The following CRYL1 variants were observed in gnomAD, a reference collection of about 807,000 sequenced individuals.
The protein encoded by CRYL1 is lambda-crystallin homolog.
A neutral mutation model predicts 36.6 loss-of-function variants in CRYL1; 29 were observed. That is an observed-to-expected ratio of 0.79 (90% CI 0.59 to 1.08). CRYL1 has a LOEUF of 1.08. CRYL1 is among the 50% of genes least tolerant of loss of function. The pLI, the probability that CRYL1 is intolerant of heterozygous loss-of-function variation, is 0.00. For synonymous variants in CRYL1, 152 were observed against 151.5 expected, an observed-to-expected ratio of 1.00 and a Z score of -0.02; for missense variants, 411 against 407.9, an observed-to-expected ratio of 1.01 and a Z score of -0.06.
At position 20,525,064 on chromosome 13, in the gene CRYL1, A is replaced by C. The variant is rs1352022594; in HGVS notation, c.41+690T>G. On this transcript the variant is annotated intron_variant, in intron 1 of 7. Coordinates refer to ENST00000298248, the MANE Select transcript of CRYL1 (RefSeq NM_015974.3). The surrounding 1 kb of genome is among the most constrained non-coding windows in gnomAD (Gnocchi z 4.3). ...TAGGGGTGGGGGGCGGGGTGGGGGA[A>C]GCACACACTAAAAATCAGTTTGGGC... Among the ~76,000 whole-genome samples the C allele has an allele frequency of 2.0e-5, 3 of 151,930 alleles. No homozygotes were observed. Among genetic ancestry groups the C allele is most frequent in the Non-Finnish European group, 2.9e-5 (2 of 67,916 alleles).
At position 20,428,403 on chromosome 13, in the gene CRYL1, G is replaced by T. The variant is rs576289725; in HGVS notation, c.633+3699C>A. Among the ~76,000 whole-genome samples, 7 of 152,026 alleles carry T rather than the reference G, an allele frequency of 4.6e-5. No homozygotes were observed. The South Asian group carries it at 1.2e-3, about 27-fold the overall frequency. On this transcript the variant is annotated intron_variant, in intron 5 of 7. Transcript: ENST00000298248. ...AAGCATTGGGCTTCTCCACCTGTAC[G>T]TCCTTGATACCAAAATCAAATAAAG...
At chr13:20,421,010 G>A (rs891435557) in intron 5 of CRYL1, among the ~76,000 whole-genome samples, 2 of 151,890 alleles carry the variant, frequency 1.3e-5, no homozygotes, top group Non-Finnish European at 2.9e-5. Flanking sequence ...TGGGATTACA[G>A]GCGTGAGCCA....
intron 1 of CRYL1, among the ~76,000 whole-genome samples, chr13:20,519,532 G>A (rs1033953780): frequency 6.1e-5 from 9 of 146,384 alleles, no homozygotes; most frequent in Admixed American, 6.1e-4. Flanking sequence ...GGAGGCTGAA[G>A]TAGGTACATG....
At chr13:20,457,998 T>C (rs939279960) in intron 3 of CRYL1, among the ~76,000 whole-genome samples, 2 of 152,170 alleles carry the variant, frequency 1.3e-5, no homozygotes, top group African/African-American at 4.8e-5. Context: ...TTCAACCAGT[T>C]CTAAAGGTCT....
chr13:20,440,882 C>T (rs1030316226), intron 3 of CRYL1, among the ~76,000 whole-genome samples: 1 of 152,164 alleles, frequency 6.6e-6, no homozygotes, highest in African/African-American at 2.4e-5. Context: ...ATTCTAATTA[C>T]AAAGCTAGAG....
Position 20,443,244 on chromosome 13 carries a change from G to C in CRYL1, c.277-3490C>G, listed in dbSNP as rs2032383848. Among the ~76,000 whole-genome samples the C allele has an allele frequency of 2.0e-5, 3 of 152,220 alleles. No homozygotes were observed. In the South Asian group the frequency reaches 6.2e-4, roughly 32 times the overall value. On this transcript the variant is annotated intron_variant, in intron 3 of 7. Transcript: ENST00000298248. ...TAACTGGACCACTCCCAGGGGAAGG[G>C]TGTGCTGGGTAAGTACTCACTTCTG...
At chr13:20,494,793 A>G (rs1229572565) in intron 2 of CRYL1, among the ~76,000 whole-genome samples, 1 of 152,236 alleles carries the variant, frequency 6.6e-6, no homozygotes, top group Non-Finnish European at 1.5e-5. Flanking sequence ...AAGAAAAGAC[A>G]CAACCACTCG....
At chr13:20,519,669 G>A (rs985754417) in intron 1 of CRYL1, among the ~76,000 whole-genome samples, 4 of 151,906 alleles carry the variant, frequency 2.6e-5, no homozygotes, top group African/African-American at 4.8e-5. Flanking sequence ...AATTTTACAG[G>A]GCAAATGACT....
At chr13:20,418,988 C>T (rs1041114732) in intron 5 of CRYL1, 1 of 152,224 alleles carries the variant, frequency 6.6e-6, no homozygotes, top group Non-Finnish European at 1.5e-5. Context: ...ACCTTCAGCC[C>T]TACGAGGGCG....
At chr13:20,498,933 C>T (rs1166853271) in intron 2 of CRYL1, among the ~76,000 whole-genome samples, 1 of 152,168 alleles carries the variant, frequency 6.6e-6, no homozygotes, top group African/African-American at 2.4e-5. Flanking sequence ...TGACAGACTT[C>T]CCAACAGCAA....
chr13:20,434,018 T>C (rs1296041822), intron 4 of CRYL1, among the ~76,000 whole-genome samples: 2 of 152,138 alleles, frequency 1.3e-5, no homozygotes, highest in African/African-American at 4.8e-5. Flanking sequence ...CATCTGCAAC[T>C]GAGTGCTGGA....
chr13:20,502,649 C>G (rs1042697230), intron 2 of CRYL1, among the ~76,000 whole-genome samples: 1 of 151,530 alleles, frequency 6.6e-6, no homozygotes, highest in African/African-American at 2.4e-5. Flanking sequence ...AGCGAGACTC[C>G]GTCTCAAAAA....
chr13:20,421,071 A>C (rs1015699356), intron 5 of CRYL1, among the ~76,000 whole-genome samples: 1 of 152,056 alleles, frequency 6.6e-6, no homozygotes. Context: ...CAAACAAAAA[A>C]AAAAATGGAA....
At chr13:20,456,479 CAAAAAAAAA>C (rs71074301) in intron 3 of CRYL1, among the ~76,000 whole-genome samples, 2 of 98,770 alleles carry the variant, frequency 2.0e-5, no homozygotes, top group African/African-American at 8.0e-5. Context: ...CGTCTCAAAA[CAAAAAAAAA>C]AAAAAAAAGA....
rs574856219 is a variant in CRYL1, at chr13:20,437,168, A to G, written c.438+2425T>C. On this transcript the variant is annotated intron_variant, in intron 4 of 7. Transcript: ENST00000298248. ...AAGAGCCACAGAGAAAGAATAAAAA[A>G]AGAGAGAGAGAGAGAGGTGGGCAGC... 1.1e-4 allele frequency among the ~76,000 whole-genome samples: 17 copies of G among 151,484 alleles called. 1 individual carries two copies. The highest frequency in any genetic ancestry group is 6.8e-3 in the Middle Eastern group (2 of 294).
intron 3 of CRYL1, among the ~76,000 whole-genome samples, chr13:20,478,510 C>T (rs1354852566): frequency 6.6e-6 from 1 of 152,180 alleles, no homozygotes; most frequent in Non-Finnish European, 1.5e-5. Flanking sequence ...GGGTCTTACT[C>T]TATCACCCAG....
chr13:20,431,976 G>T (rs1042453720), intron 5 of CRYL1, 126 bp downstream of exon 5: 5 of 1,559,724 alleles, frequency 3.2e-6, no homozygotes, highest in African/African-American at 1.4e-5. Flanking sequence ...GAAGCAAGCA[G>T]CCTCTGACTT....
chr13:20,468,466 A>G (rs2032987336), intron 3 of CRYL1, among the ~76,000 whole-genome samples: 1 of 152,116 alleles, frequency 6.6e-6, no homozygotes, highest in African/African-American at 2.4e-5. Context: ...TTAGCTATTC[A>G]ATTATCTCCA....
chr13:20,432,334 G>T, intron 4 of CRYL1, 38 bp from the exon 5 acceptor site: 1 of 1,546,614 alleles, frequency 6.5e-7, no homozygotes, highest in South Asian at 1.2e-5. Context: ...TCAAGGAGAT[G>T]ATCCTGGGTT....
Sources: allele counts gnomAD v4.1 joint callset (sites outside exome capture counted in the v4.1 genomes callset), GRCh38; gene constraint gnomAD v4.1.1; non-coding constraint Gnocchi (gnomAD v3.1); transcripts MANE v1.5; gene names NCBI Gene and HGNC (gene_info 2026-07-23, HGNC 2026-07-21).